DOK6: variants seen among roughly 807,000 people sequenced by gnomAD.
The protein encoded by DOK6 is downstream of tyrosine kinase 6.
In DOK6, 22 loss-of-function variants were observed where a neutral mutation model predicts 44.0. That is an observed-to-expected ratio of 0.50 (90% CI 0.36 to 0.71). The LOEUF (loss-of-function observed/expected upper bound fraction) is 0.71, where lower values mean the gene tolerates loss of function less well. Ranked by LOEUF, DOK6 falls within the 30% of genes least tolerant of loss-of-function variation. The probability of loss-of-function intolerance (pLI) is 0.00; values close to 1 mark genes in which losing one functional copy is unlikely to be tolerated. For missense variants in DOK6, 340 were observed against 416.4 expected (o/e 0.82, Z 1.60); for synonymous variants, 166 against 145.5 (o/e 1.14, Z -1.01).
intron 3 of DOK6, among the ~76,000 whole-genome samples, chr18:69,676,438 G>C (rs1008086362): frequency 6.6e-6 from 1 of 152,144 alleles, no homozygotes; most frequent in African/African-American, 2.4e-5. Context: ...AGAGCCCAGT[G>C]TTGGTATTTA....
intron 1 of DOK6, among the ~76,000 whole-genome samples, chr18:69,544,270 C>T (rs1982343909): frequency 6.6e-6 from 1 of 151,054 alleles, no homozygotes; most frequent in Non-Finnish European, 1.5e-5. Context: ...AAAAACAAAA[C>T]AAAACAAAAA....
At chr18:69,699,945 T>C (rs1206039933) in intron 5 of DOK6, among the ~76,000 whole-genome samples, 1 of 151,930 alleles carries the variant, frequency 6.6e-6, no homozygotes, top group South Asian at 2.1e-4. Context: ...GGCCTCACAG[T>C]CATGGCAGAA....
At chr18:69,650,944 G>A (rs1370310644) in intron 3 of DOK6, among the ~76,000 whole-genome samples, 1 of 152,076 alleles carries the variant, frequency 6.6e-6, no homozygotes, top group Non-Finnish European at 1.5e-5. Context: ...CTTCATCAAG[G>A]CGGTGGTTAA....
At chr18:69,443,915 C>G (rs961831781) in intron 1 of DOK6, among the ~76,000 whole-genome samples, 1 of 150,254 alleles carries the variant, frequency 6.7e-6, no homozygotes, top group African/African-American at 2.5e-5. Flanking sequence ...TGTGTACACT[C>G]TATGCTTGTA....
intron 3 of DOK6, among the ~76,000 whole-genome samples, chr18:69,636,069 A>T (rs1161829130): frequency 1.3e-5 from 2 of 152,162 alleles, no homozygotes; most frequent in Non-Finnish European, 2.9e-5. Context: ...CCCAATAGGA[A>T]TTCTGTAATG....
intron 5 of DOK6, among the ~76,000 whole-genome samples, chr18:69,701,575 G>A (rs527557010): frequency 4.6e-5 from 7 of 152,284 alleles, no homozygotes; most frequent in African/African-American, 1.7e-4. Flanking sequence ...GAAAATGCCT[G>A]CATGGCCAAA....
intron 7 of DOK6, among the ~76,000 whole-genome samples, chr18:69,771,475 G>A (rs1397388211): frequency 6.6e-6 from 1 of 151,848 alleles, no homozygotes; most frequent in African/African-American, 2.4e-5. Flanking sequence ...GTTTCAGTAA[G>A]CACATGTGTA....
At chr18:69,692,099 C>T (rs559020567) in intron 4 of DOK6, among the ~76,000 whole-genome samples, 15 of 152,000 alleles carry the variant, frequency 9.9e-5, no homozygotes, top group South Asian at 2.1e-4. Flanking sequence ...GAAAGTGGGG[C>T]GGTGGGGAGT....
chr18:69,790,570 C>A (rs1265969548), intron 7 of DOK6, among the ~76,000 whole-genome samples: 1 of 152,010 alleles, frequency 6.6e-6, no homozygotes, highest in Admixed American at 6.6e-5. Flanking sequence ...ATATTAAGAT[C>A]TTGGTTTTCT....
At chr18:69,719,283 G>A (rs1349147751) in intron 5 of DOK6, among the ~76,000 whole-genome samples, 1 of 152,192 alleles carries the variant, frequency 6.6e-6, no homozygotes, top group African/African-American at 2.4e-5. Context: ...TATTGAAACT[G>A]TCTTCATGCA....
At chr18:69,813,576 G>A (rs116553012) in intron 7 of DOK6, among the ~76,000 whole-genome samples, 1,928 of 152,136 alleles carry the variant, frequency 0.013, 35 homozygotes, top group African/African-American at 0.043. Context: ...TTCTTTAGGT[G>A]GAAATTAAAG....
intron 2 of DOK6, among the ~76,000 whole-genome samples, chr18:69,586,607 A>G (rs1983506830): frequency 6.6e-6 from 1 of 152,224 alleles, no homozygotes; most frequent in Non-Finnish European, 1.5e-5. Flanking sequence ...CCTACTGGCT[A>G]GTTTCCCAGT....
intron 7 of DOK6, among the ~76,000 whole-genome samples, chr18:69,791,839 T>G (rs1007416913): frequency 1.3e-5 from 2 of 152,198 alleles, no homozygotes; most frequent in Admixed American, 1.3e-4. Flanking sequence ...TCCAATGTCC[T>G]GGATTGTGTC....
intron 7 of DOK6, among the ~76,000 whole-genome samples, chr18:69,764,433 A>G (rs1196838694): frequency 6.6e-6 from 1 of 152,152 alleles, no homozygotes; most frequent in Non-Finnish European, 1.5e-5. Flanking sequence ...ATGGGCGGTC[A>G]TTAGGTAACG....
intron 7 of DOK6, among the ~76,000 whole-genome samples, chr18:69,793,223 A>C (rs973268992): frequency 6.6e-6 from 1 of 152,128 alleles, no homozygotes; most frequent in African/African-American, 2.4e-5. Context: ...CATGATTTTC[A>C]GTTTATAGAA....
intron 3 of DOK6, among the ~76,000 whole-genome samples, chr18:69,609,090 T>C (rs1478616554): frequency 7.2e-5 from 11 of 152,172 alleles, no homozygotes; most frequent in Non-Finnish European, 1.6e-4. Context: ...CTCCTTGGCC[T>C]AGAAAAATGA....
At chr18:69,530,269 G>T (rs1343086199) in intron 1 of DOK6, among the ~76,000 whole-genome samples, 1 of 152,018 alleles carries the variant, frequency 6.6e-6, no homozygotes, top group South Asian at 2.1e-4. Context: ...TTAACTAAAG[G>T]TTTGGTGGTA....
intron 1 of DOK6, among the ~76,000 whole-genome samples, chr18:69,532,499 G>T (rs568468755): frequency 2.6e-5 from 4 of 152,274 alleles, no homozygotes; most frequent in Non-Finnish European, 5.9e-5. Flanking sequence ...AACAAGTTAG[G>T]TAATGGTTTT....
At position 69,774,133 on chromosome 18, in the gene DOK6, G is replaced by GATATATATAGATATATATATATATAT. The variant is rs1555670144; in HGVS notation, c.856+16269_856+16270insGATATATATATATATATATATATATA. On this transcript the variant is annotated intron_variant, in intron 7 of 7. Transcript: ENST00000382713. ...TAGATTTATATAGATATATATATGA[G>GATATATATAGATATATATATATATAT]ATATATATATATATATATATATAAT... 6.0e-5 allele frequency among the ~76,000 whole-genome samples: 4 copies of GATATATATAGATATATATATATATAT among 66,896 alleles called. No individual in the cohort carries two copies. In the East Asian group the frequency reaches 2.1e-3, roughly 35 times the overall value. The allele number at this position is 66,896 out of a possible 152,430, so 43.9% of individuals were successfully genotyped here.
Sources: gnomAD v4.1 joint callset for allele counts (sites outside exome capture counted in the v4.1 genomes callset) on GRCh38, gnomAD v4.1.1 for gene constraint, MANE v1.5 for transcripts, NCBI Gene and HGNC (gene_info 2026-07-23, HGNC 2026-07-21) for gene names.